TNFAIP8: variants seen among roughly 807,000 people sequenced by gnomAD.
The protein encoded by TNFAIP8 is tumor necrosis factor alpha-induced protein 8.
In TNFAIP8, 7 loss-of-function variants were observed where a neutral mutation model predicts 13.3. That is an observed-to-expected ratio of 0.52 (90% confidence interval 0.30 to 0.99). The LOEUF (loss-of-function observed/expected upper bound fraction) is 0.99. TNFAIP8 is among the 50% of genes least tolerant of loss of function. The pLI is 0.07. For synonymous variants in TNFAIP8, 94 were observed against 87.6 expected (o/e 1.07, Z -0.41); for missense variants, 258 against 236.9 (o/e 1.09, Z -0.58).
intron 1 of TNFAIP8, among the ~76,000 whole-genome samples, chr5:119,366,921 C>T (rs1751879750): frequency 6.6e-6 from 1 of 152,166 alleles, no homozygotes; most frequent in East Asian, 1.9e-4. Flanking sequence ...GGGGTTGCCT[C>T]TCTGTGCAAA....
chr5:119,366,192 G>C (rs1053445155), intron 1 of TNFAIP8, among the ~76,000 whole-genome samples: 3 of 151,992 alleles, frequency 2.0e-5, no homozygotes, highest in African/African-American at 7.2e-5. Context: ...GAAGTGACCA[G>C]CAGTATAATA....
At chr5:119,350,952 T>TTG (rs35633858) in intron 1 of TNFAIP8, among the ~76,000 whole-genome samples, 5,084 of 144,616 alleles carry the variant, frequency 0.035, 259 homozygotes, top group African/African-American at 0.11. Context: ...CTATGTGTAT[T>TTG]TGTGTGTGTG....
chr5:119,300,183 A>G (rs1254294919), intron 1 of TNFAIP8, among the ~76,000 whole-genome samples: 1 of 152,212 alleles, frequency 6.6e-6, no homozygotes, highest in Non-Finnish European at 1.5e-5. Flanking sequence ...GAAATGCAGA[A>G]ATCACCTGTC....
At chr5:119,292,645 C>CATATATATATATAT (rs56896742) in intron 1 of TNFAIP8, among the ~76,000 whole-genome samples, 10 of 32,824 alleles carry the variant, frequency 3.0e-4, no homozygotes, top group Admixed American at 5.1e-4. Context: ...ATCAATGTAG[C>CATATATATATATAT]ATATATATAT....
At chr5:119,278,777 A>G (rs1189584661) in intron 1 of TNFAIP8, among the ~76,000 whole-genome samples, 1 of 152,214 alleles carries the variant, frequency 6.6e-6, no homozygotes, top group Non-Finnish European at 1.5e-5. Flanking sequence ...GGTAGTTGGG[A>G]GGAGAAAACC....
chr5:119,324,628 C>G (rs113606078), intron 1 of TNFAIP8, among the ~76,000 whole-genome samples: 2 of 152,020 alleles, frequency 1.3e-5, no homozygotes, highest in African/African-American at 4.8e-5. Context: ...ATGGGATATC[C>G]TCTCTGCTAT....
chr5:119,364,088 G>C (rs1434973834), intron 1 of TNFAIP8, among the ~76,000 whole-genome samples: 1 of 152,166 alleles, frequency 6.6e-6, no homozygotes, highest in East Asian at 1.9e-4. Flanking sequence ...GAAGTCATTG[G>C]CCATTGGTGA....
chr5:119,348,456 G>A (rs1301355636), intron 1 of TNFAIP8, among the ~76,000 whole-genome samples: 4 of 152,124 alleles, frequency 2.6e-5, no homozygotes, highest in Non-Finnish European at 4.4e-5. Flanking sequence ...ACTTTCTAAC[G>A]GTTAGGATGG....
chr5:119,348,617 A>C (rs1750995658), intron 1 of TNFAIP8, among the ~76,000 whole-genome samples: 1 of 152,148 alleles, frequency 6.6e-6, no homozygotes, highest in Non-Finnish European at 1.5e-5. Context: ...ACGGAGTCTC[A>C]CGCTTGTAAT....
chr5:119,287,603 C>T (rs1382389746), intron 1 of TNFAIP8, among the ~76,000 whole-genome samples: 1 of 152,138 alleles, frequency 6.6e-6, no homozygotes, highest in Non-Finnish European at 1.5e-5. Context: ...CCATTCCCCA[C>T]CCTCCAAACC....
intron 1 of TNFAIP8, among the ~76,000 whole-genome samples, chr5:119,336,572 TG>T (rs1750557912): frequency 6.6e-6 from 1 of 152,244 alleles, no homozygotes; most frequent in Non-Finnish European, 1.5e-5. Context: ...TGCCTTGCTT[TG>T]TTTTGCTATG....
intron 1 of TNFAIP8, among the ~76,000 whole-genome samples, chr5:119,383,268 A>G (rs530767656): frequency 3.3e-5 from 5 of 152,258 alleles, no homozygotes; most frequent in Admixed American, 6.5e-5. Flanking sequence ...TTAGTCATAA[A>G]TAGGGTGACC....
At chr5:119,320,295 G>A (rs1168614710) in intron 1 of TNFAIP8, among the ~76,000 whole-genome samples, 2 of 152,160 alleles carry the variant, frequency 1.3e-5, no homozygotes, top group East Asian at 3.8e-4. Flanking sequence ...ACTTCTTCAA[G>A]TCCTCCTGCA....
intron 1 of TNFAIP8, among the ~76,000 whole-genome samples, chr5:119,291,754 G>A (rs543390232): frequency 2.0e-5 from 3 of 152,174 alleles, no homozygotes; most frequent in South Asian, 2.1e-4. Flanking sequence ...TTGTATTTTC[G>A]TTGCCCGGGT....
At chr5:119,324,392 C>T (rs1478527913) in intron 1 of TNFAIP8, among the ~76,000 whole-genome samples, 1 of 151,008 alleles carries the variant, frequency 6.6e-6, no homozygotes, top group African/African-American at 2.4e-5. Flanking sequence ...AAGTCTCCAT[C>T]CTCTCAGAAC....
chr5:119,369,965 C>G (rs1752012352), intron 1 of TNFAIP8, among the ~76,000 whole-genome samples: 1 of 152,178 alleles, frequency 6.6e-6, no homozygotes, highest in East Asian at 1.9e-4. Flanking sequence ...GTGGTGGAAA[C>G]TGAAATGAAT....
At chr5:119,371,624 A>T (rs546148627) in intron 1 of TNFAIP8, among the ~76,000 whole-genome samples, 2 of 152,160 alleles carry the variant, frequency 1.3e-5, no homozygotes, top group South Asian at 4.1e-4. Context: ...ACTTGAATTC[A>T]TTTTTTTCTC....
At chr5:119,364,817 G>GT (rs760155656) in intron 1 of TNFAIP8, among the ~76,000 whole-genome samples, 1 of 140,496 alleles carries the variant, frequency 7.1e-6, no homozygotes, top group African/African-American at 2.6e-5. Context: ...GTAATGAAGG[G>GT]TTTTTTCCCC....
intron 1 of TNFAIP8, among the ~76,000 whole-genome samples, chr5:119,365,305 CTTTAGTCTTATACA>C (rs1751806003): frequency 6.6e-6 from 1 of 152,128 alleles, no homozygotes; most frequent in African/African-American, 2.4e-5. Flanking sequence ...ACTCTTAGGA[CTTTAGTCTTATACA>C]TATTAACTAG....
Sources: gnomAD v4.1 joint callset for allele counts (sites outside exome capture counted in the v4.1 genomes callset) on GRCh38, gnomAD v4.1.1 for gene constraint, MANE v1.5 for transcripts, NCBI Gene and HGNC (gene_info 2026-07-23, HGNC 2026-07-21) for gene names.